DLL1: variants seen among roughly 807,000 people sequenced by gnomAD.
The protein encoded by DLL1 is delta-like protein 1.
A neutral mutation model predicts 75.1 loss-of-function variants in DLL1; 9 were observed. The ratio of observed to expected loss-of-function variants is 0.12; its 90% CI spans 0.07 to 0.21. The LOEUF is 0.21. Ranked by LOEUF, DLL1 falls within the 10% of genes least tolerant of loss-of-function variation. DLL1 has a pLI of 1.00. For synonymous variants in DLL1, 477 were observed against 418.3 expected, an observed-to-expected ratio of 1.14 and a Z score of -1.71; for missense variants, 837 against 1,007.6, an observed-to-expected ratio of 0.83 and a Z score of 2.29.
chr6:170,290,227 G>C lies in DLL1; in HGVS notation c.-88C>G. On this transcript the variant is annotated 5_prime_UTR_variant, in exon 1 of 11. Coordinates refer to ENST00000366756, the MANE Select transcript of DLL1 (RefSeq NM_005618.4). The surrounding 1 kb of genome is among the most constrained non-coding windows in gnomAD (Gnocchi z 4.7). ...CGCGCGGGGGATCGATGGGCCACGG[G>C]GAGCGTGGGCAGAAAAGCGCCCTTG... is the stretch of plus-strand genomic sequence containing the variant. 6.6e-7 allele frequency: 1 copy of C among 1,509,672 alleles called. No individual in the cohort carries two copies. Among genetic ancestry groups the C allele is most frequent in the Non-Finnish European group, 9.0e-7 (1 of 1,116,900 alleles). 93.5% of individuals were successfully genotyped at this position (1,509,672 alleles called of 1,614,324 possible). A position where few individuals can be genotyped will look rare whatever the true frequency, so the allele number is the denominator to read the frequency against.
Position 170,283,648 on chromosome 6 carries a change from G to A in DLL1, c.1631C>T (p.Pro544Leu), listed in dbSNP as rs1008134691. 1 of 1,600,110 alleles carries A rather than the reference G, an allele frequency of 6.2e-7. No homozygotes were observed. The highest frequency in any genetic ancestry group is 1.3e-5 in the African/African-American group (1 of 74,668). Residue 544 changes from proline to leucine, a missense_variant, in exon 9 of 11, where the codon CCC (proline) becomes CTC (leucine). Physicochemically the swap from Pro to Leu is moderately conservative, Grantham distance 98. Transcript: ENST00000366756. Reference sequence around the variant, plus strand: ...GACCCCGGCGCACACGGCCACCCAGGGGAATGGCCCGCCCTGGCCCTCTAG... The same window carrying A: ...GACCCCGGCGCACACGGCCACCCAGAGGAATGGCCCGCCCTGGCCCTCTAG... ...EKLEGQGGPF[P>L]WVAVCAGVIL...
Position 170,287,927 on chromosome 6 carries a change from T to G in DLL1, c.670+312A>C, listed in dbSNP as rs530091963. Among the ~76,000 whole-genome samples, 8 of 152,262 alleles carry G rather than the reference T, an allele frequency of 5.3e-5. No individual in the cohort carries two copies. The South Asian group carries it at 1.5e-3, about 28-fold the overall frequency. The stretch of plus-strand genomic sequence containing the variant: ...CTTCCTTCCTCCTCTCCCTCTCTAA[T>G]ACACACACCCTGGGGGTAGCACTGG... On this transcript the variant is annotated intron_variant, in intron 4 of 10. Transcript: ENST00000366756.
Position 170,284,961 on chromosome 6 carries a change from C to T in DLL1, c.1207G>A (p.Glu403Lys). Residue 403 changes from glutamate to lysine, a missense_variant, in exon 8 of 11, where the codon GAG (glutamate) becomes AAG (lysine). This residue lies in a region of DLL1 where 533 missense variants were observed against 545.7 expected (regional missense o/e 0.98). Transcript: ENST00000366756. Reference sequence around the variant, plus strand: ...GAGCTGCAGTAGTCAATTTTCTTCTCACAGTTGAAGCCGGAGTAGCCCACG... The same window carrying T: ...GAGCTGCAGTAGTCAATTTTCTTCTTACAGTTGAAGCCGGAGTAGCCCACG... ...CPVGYSGFNC[E>K]KKIDYCSSSP... 6.2e-7 allele frequency: 1 copy of T among 1,614,146 alleles called. No homozygotes were observed. The highest frequency in any genetic ancestry group is 1.1e-5 in the South Asian group (1 of 91,068).
In DLL1 at chr6:170,285,144, T is replaced by C; in HGVS notation, c.1033-9A>G. On this transcript the variant is annotated splice_polypyrimidine_tract_variant and intron_variant, in intron 7 of 10. Transcript: ENST00000366756. Reference sequence around the variant, plus strand: ...TAGCTGTTCTCGAGATCCTACACGATGGAGAGGTCAGAAAAGGCTTTCCAA... The same window carrying C: ...TAGCTGTTCTCGAGATCCTACACGACGGAGAGGTCAGAAAAGGCTTTCCAA... 6.2e-7 allele frequency: 1 copy of C among 1,613,940 alleles called. No individual in the cohort carries two copies. Among genetic ancestry groups the C allele is most frequent in the Non-Finnish European group, 8.5e-7 (1 of 1,180,006 alleles).
At chr6:170,289,049 A>C (rs1258632840) in intron 2 of DLL1, 2 of 477,908 alleles carry the variant, frequency 4.2e-6, no homozygotes, top group Non-Finnish European at 7.6e-6. Flanking sequence ...TTTTTTAATT[A>C]GAGAGAGAGA....
At position 170,282,850 on chromosome 6, in the gene DLL1, G is replaced by C. The variant is rs1783589764; in HGVS notation, c.*24C>G. The C allele has an allele frequency of 1.2e-6, 2 of 1,614,100 alleles. No homozygotes were observed. The highest frequency in any genetic ancestry group is 2.2e-5 in the East Asian group (1 of 44,880). On this transcript the variant is annotated 3_prime_UTR_variant, in exon 11 of 11. Coordinates refer to ENST00000366756, the MANE Select transcript of DLL1 (RefSeq NM_005618.4). ...ATTTTACTTATTTTAAGAGAAACGGGAGTCTTGCCATCTCACTTCCATTTT... is the reference window on the plus strand; with the variant it reads ...ATTTTACTTATTTTAAGAGAAACGGCAGTCTTGCCATCTCACTTCCATTTT...
Position 170,290,776 on chromosome 6 carries a change from C to T in DLL1, c.-637G>A. ...CCGGTGTCACAGCAAAGATCCGCGT[C>T]TTTCCGATGAATCCAGCCAATGCCA... On this transcript the variant is annotated 5_prime_UTR_variant, in exon 1 of 11. Coordinates refer to ENST00000366756, the MANE Select transcript of DLL1 (RefSeq NM_005618.4). This position sits in a 1 kb window ranked among gnomAD's most constrained non-coding sequence, Gnocchi z 4.7. The T allele has an allele frequency of 3.8e-6, 2 of 524,640 alleles. No individual in the cohort carries two copies. Among genetic ancestry groups the T allele is most frequent in the South Asian group, 4.2e-5 (2 of 48,126 alleles). 32.5% of individuals were successfully genotyped at this position (524,640 alleles called of 1,614,324 possible). A position where few individuals can be genotyped will look rare whatever the true frequency, so the allele number is the denominator to read the frequency against.
At chr6:170,289,907 A>C in intron 1 of DLL1, 99 bp from the exon 2 acceptor site, 1 of 1,371,886 alleles carries the variant, frequency 7.3e-7, no homozygotes, top group Non-Finnish European at 9.6e-7. Flanking sequence ...GGAAGGGCTC[A>C]GGGGCCGAGC....
chr6:170,288,610 T>G (rs925587879), intron 3 of DLL1, 114 bp from the exon 4 acceptor site: 4 of 1,609,588 alleles, frequency 2.5e-6, no homozygotes, highest in Non-Finnish European at 3.4e-6. Flanking sequence ...TGCTCCACCC[T>G]GAACTTTCTG....
intron 2 of DLL1, 177 bp downstream of exon 2, chr6:170,289,335 G>T: frequency 9.3e-7 from 1 of 1,070,286 alleles, no homozygotes; most frequent in Non-Finnish European, 1.3e-6. Flanking sequence ...CCCGGGGCGA[G>T]GTGTCCGCGC....
chr6:170,288,220 T>C lies in DLL1; in HGVS notation c.670+19A>G. The C allele has an allele frequency of 1.2e-6, 2 of 1,613,624 alleles. No individual in the cohort carries two copies. Among genetic ancestry groups the C allele is most frequent in the Admixed American group, 3.3e-5 (2 of 60,020 alleles). On this transcript the variant is annotated intron_variant, in intron 4 of 10. Transcript: ENST00000366756. ...TGTTCGTGGACGAGTGAGCCAGCGG[T>C]GCCTTCCCAGAGACTCACGCTCTGT...
chr6:170,289,882 G>T (rs373039864), intron 1 of DLL1, 74 bp from the exon 2 acceptor site: 4 of 1,474,386 alleles, frequency 2.7e-6, no homozygotes, highest in Non-Finnish European at 2.7e-6. Flanking sequence ...TGGGTGGGGG[G>T]TGTGCGGAGA....
intron 5 of DLL1, 69 bp downstream of exon 5, chr6:170,286,168 CA>C (rs1192425925): frequency 1.7e-5 from 27 of 1,602,100 alleles, no homozygotes; most frequent in Non-Finnish European, 2.3e-5. Context: ...GCTGTTTTTA[CA>C]AATACACCAG....
intron 1 of DLL1, 72 bp from the exon 2 acceptor site, chr6:170,289,880 G>GA: frequency 6.7e-7 from 1 of 1,481,952 alleles, no homozygotes; most frequent in Non-Finnish European, 9.1e-7. Flanking sequence ...CCTGGGTGGG[G>GA]GGTGTGCGGA....
Position 170,283,440 on chromosome 6 carries a change from C to A in DLL1, c.1839G>T (p.Lys613Asn). Residue 613 changes from lysine to asparagine, a missense_variant, in exon 9 of 11, where the codon AAG becomes AAT. Coordinates refer to ENST00000366756, the MANE Select transcript of DLL1 (RefSeq NM_005618.4). ...GGAAGTCCGCCTTCTTGTTGGTGTTCTTGATCTGCGTGGCCCCGATGATGC... is the reference window on the plus strand; with the variant it reads ...GGAAGTCCGCCTTCTTGTTGGTGTTATTGATCTGCGTGGCCCCGATGATGC... ...SVSIIGATQI[K>N]NTNKKADFHG... The A allele has an allele frequency of 6.2e-7, 1 of 1,612,044 alleles. No individual in the cohort carries two copies.
chr6:170,282,695 G>A lies in DLL1; in HGVS notation c.*179C>T, dbSNP rs1282713273. The A allele has an allele frequency of 3.1e-5, 32 of 1,024,834 alleles. No homozygotes were observed. Among genetic ancestry groups the A allele is most frequent in the East Asian group, 7.2e-5 (3 of 41,706 alleles). 63.5% of individuals were successfully genotyped at this position (1,024,834 alleles called of 1,614,324 possible). A position where few individuals can be genotyped will look rare whatever the true frequency, so the allele number is the denominator to read the frequency against. Reference sequence around the variant, plus strand: ...AGGCAGTGCCGCAGGCGGCCGGGCCGCGACAGGCTGTCGGCAGGCGTCGAG... The same window carrying A: ...AGGCAGTGCCGCAGGCGGCCGGGCCACGACAGGCTGTCGGCAGGCGTCGAG... On this transcript the variant is annotated 3_prime_UTR_variant, in exon 11 of 11. Transcript: ENST00000366756.
rs753409971 is a variant in DLL1, at chr6:170,289,608, G to A, written c.255C>T (p.Pro85=). ...PPCTYGSAVT[P]VLGVDSFSLP... ...GACTGAAGGAGTCGACGCCCAGCAC[G>A]GGGGTGACGGCGCTGCCGTAGGTGC... is the stretch of plus-strand genomic sequence containing the variant. Residue 85 remains proline, a synonymous_variant, in exon 2 of 11, where the codon CCC becomes CCT. Coordinates refer to ENST00000366756, the MANE Select transcript of DLL1 (RefSeq NM_005618.4). 2 of 1,536,492 alleles carry A rather than the reference G, an allele frequency of 1.3e-6. No individual in the cohort carries two copies. The highest frequency in any genetic ancestry group is 2.4e-5 in the East Asian group (1 of 40,868).
In DLL1 at chr6:170,283,502, G is replaced by C; in HGVS notation, c.1777C>G (p.Leu593Val). ...CRGETETMNNLANCQREKDIS... is the reference protein window; with the variant it reads ...CRGETETMNNVANCQREKDIS... ...TCCTTCTCACGCTGGCAGTTGGCCA[G>C]GTTGTTCATGGTCTCCGTCTCCCCC... The change falls in exon 9 of 11, where the codon CTG becomes GTG. Residue 593 changes from leucine (L) to valine (V), a missense_variant. Physicochemically the swap from Leu to Val is conservative, Grantham distance 32. Transcript: ENST00000366756. The C allele has an allele frequency of 1.2e-6, 2 of 1,613,724 alleles. No homozygotes were observed. The highest frequency in any genetic ancestry group is 3.3e-4 in the Middle Eastern group (2 of 6,062).
At position 170,282,755 on chromosome 6, in the gene DLL1, G is replaced by T; in HGVS notation, c.*119C>A. The T allele has an allele frequency of 6.5e-7, 1 of 1,549,186 alleles. No individual in the cohort carries two copies. Among genetic ancestry groups the T allele is most frequent in the Non-Finnish European group, 8.9e-7 (1 of 1,122,802 alleles). On this transcript the variant is annotated 3_prime_UTR_variant, in exon 11 of 11. Transcript: ENST00000366756. ...AGGAGAACCTGCTCGGTCTGAACTC[G>T]GTTTCTCAGCAGCAGTCCACGAGGC...
Sources: gnomAD v4.1 joint callset for allele counts (sites outside exome capture counted in the v4.1 genomes callset) on GRCh38, gnomAD v4.1.1 for gene constraint, gnomAD v4.1.1 regional missense constraint, Gnocchi (gnomAD v3.1) non-coding constraint, MANE v1.5 for transcripts, NCBI Gene and HGNC (gene_info 2026-07-23, HGNC 2026-07-21) for gene names.